The following CFAP53 variants were observed in gnomAD, a reference collection of about 807,000 sequenced individuals.
CFAP53 encodes the protein cilia- and flagella-associated protein 53.
Under a neutral mutation model 59.7 loss-of-function variants are expected in CFAP53, and 62 were observed. The observed-to-expected ratio is 1.04, with a 90% CI of 0.85 to 1.28. CFAP53 has a LOEUF of 1.28. CFAP53 is among the 50% of genes most tolerant of loss of function. CFAP53 has a pLI of 0.00. For missense variants in CFAP53, 629 were observed against 615.6 expected (o/e 1.02, Z -0.23); for synonymous variants, 218 against 205.7 (o/e 1.06, Z -0.51).
At chr18:50,249,074 C>T (rs1329256481) in intron 5 of CFAP53, among the ~76,000 whole-genome samples, 2 of 151,090 alleles carry the variant, frequency 1.3e-5, no homozygotes, top group Non-Finnish European at 3.0e-5. Context: ...GCAGTGGCAC[C>T]CGCCTGTAAT....
intron 7 of CFAP53, 94 bp downstream of exon 7, chr18:50,238,509 C>A: frequency 1.3e-6 from 1 of 743,336 alleles, no homozygotes; most frequent in East Asian, 2.8e-5. Context: ...TCCTCAGCCT[C>A]CCAAAGTACT....
At position 50,227,320 on chromosome 18, in the gene CFAP53, C is replaced by T. The variant is rs2033532688; in HGVS notation, c.*61G>A. On this transcript the variant is annotated 3_prime_UTR_variant, in exon 8 of 8. Coordinates refer to ENST00000398545, the MANE Select transcript of CFAP53 (RefSeq NM_145020.5). ...TTATCCAGGAGTTAAAAGAAGCATA[C>T]AAGCATACTGTAGTTAAAAATATTA... 7.5e-7 allele frequency: 1 copy of T among 1,332,172 alleles called. No individual in the cohort carries two copies. Among genetic ancestry groups the T allele is most frequent in the Non-Finnish European group, 1.1e-6 (1 of 942,932 alleles). The allele number at this position is 1,332,172 out of a possible 1,614,324, so 82.5% of individuals were successfully genotyped here.
chr18:50,237,315 A>AT, intron 7 of CFAP53, among the ~76,000 whole-genome samples: 1 of 16,438 alleles, frequency 6.1e-5, no homozygotes, highest in African/African-American at 1.2e-4. Flanking sequence ...AAAAAAAAAA[A>AT]AAAAAAAAAA....
intron 7 of CFAP53, among the ~76,000 whole-genome samples, chr18:50,232,455 G>A (rs1480655658): frequency 6.6e-6 from 1 of 152,148 alleles, no homozygotes; most frequent in Non-Finnish European, 1.5e-5. Context: ...AGCCCCTCCA[G>A]GTTTCCCTAA....
At chr18:50,255,740 A>G (rs1446880749) in intron 3 of CFAP53, among the ~76,000 whole-genome samples, 1 of 152,184 alleles carries the variant, frequency 6.6e-6, no homozygotes, top group East Asian at 1.9e-4. Flanking sequence ...AAGAGAAATG[A>G]ATGCATATGC....
intron 6 of CFAP53, among the ~76,000 whole-genome samples, chr18:50,241,621 G>A (rs1355299321): frequency 6.6e-6 from 1 of 152,118 alleles, no homozygotes; most frequent in Non-Finnish European, 1.5e-5. Flanking sequence ...CCTCTGGGAT[G>A]TCATCACATA....
chr18:50,254,401 A>G (rs2033828598), intron 3 of CFAP53, among the ~76,000 whole-genome samples: 1 of 152,218 alleles, frequency 6.6e-6, no homozygotes, highest in Non-Finnish European at 1.5e-5. Flanking sequence ...GTAAATGCCA[A>G]TTAAGCCCAT....
chr18:50,258,223 C>T (rs1240300193), intron 3 of CFAP53, among the ~76,000 whole-genome samples: 1 of 152,056 alleles, frequency 6.6e-6, no homozygotes, highest in East Asian at 1.9e-4. Context: ...GCTATAGTAC[C>T]TCAAACAGCA....
intron 7 of CFAP53, 126 bp from the exon 8 acceptor site, chr18:50,227,735 A>G: frequency 1.4e-6 from 1 of 689,978 alleles, no homozygotes. Flanking sequence ...GGGTGAGTGG[A>G]GAAGAAATAG....
At chr18:50,237,887 G>C (rs2033653406) in intron 7 of CFAP53, among the ~76,000 whole-genome samples, 1 of 151,964 alleles carries the variant, frequency 6.6e-6, no homozygotes, top group Non-Finnish European at 1.5e-5. Context: ...CATTTGTATG[G>C]AATCCTGTCC....
At chr18:50,257,149 G>A (rs1268579762) in intron 3 of CFAP53, among the ~76,000 whole-genome samples, 1 of 152,080 alleles carries the variant, frequency 6.6e-6, no homozygotes, top group African/African-American at 2.4e-5. Context: ...TGAAATCGAT[G>A]ATTTAGGGCA....
At chr18:50,250,664 G>T in intron 5 of CFAP53, 94 bp downstream of exon 5, 1 of 927,232 alleles carries the variant, frequency 1.1e-6, no homozygotes, top group Non-Finnish European at 1.7e-6. Context: ...ACTCAGAGTA[G>T]CACTGCTATA....
Position 50,258,184 on chromosome 18 carries a change from C to T in CFAP53, c.473+2880G>A, listed in dbSNP as rs543300352. ...AAAAATAACAAATCTGGAGGAATCA[C>T]ATTACCTAACTTCGAATTATACTAC... On this transcript the variant is annotated intron_variant, in intron 3 of 7. Coordinates refer to ENST00000398545, the MANE Select transcript of CFAP53 (RefSeq NM_145020.5). Among the ~76,000 whole-genome samples the T allele has an allele frequency of 5.3e-5, 8 of 152,322 alleles. No homozygotes were observed. The South Asian group carries it at 1.2e-3, about 24-fold the overall frequency.
chr18:50,262,220 C>A lies in CFAP53; in HGVS notation c.70-1G>T. 6.2e-7 allele frequency: 1 copy of A among 1,610,052 alleles called. No individual in the cohort carries two copies. The highest frequency in any genetic ancestry group is 1.1e-5 in the South Asian group (1 of 90,828). ...CTTGGCCTTTAGGAGGCTTGGATCT[C>A]TGAAAACAAAAACCAACTATCACTT... On this transcript the variant is annotated splice_acceptor_variant, in intron 1 of 7. Transcript: ENST00000398545. LOFTEE classifies it high-confidence loss of function.
intron 1 of CFAP53, 103 bp from the exon 2 acceptor site, chr18:50,262,322 G>T (rs1325224930): frequency 1.0e-6 from 1 of 972,292 alleles, no homozygotes. Flanking sequence ...ATAAAATTGG[G>T]TATAAAAAAC....
At chr18:50,258,746 CA>C (rs1343459783) in intron 3 of CFAP53, among the ~76,000 whole-genome samples, 2 of 152,238 alleles carry the variant, frequency 1.3e-5, no homozygotes, top group African/African-American at 4.8e-5. Flanking sequence ...GGAGCTCAAA[CA>C]ACTCCATAAG....
At chr18:50,237,764 CAGA>C (rs1315451198) in intron 7 of CFAP53, among the ~76,000 whole-genome samples, 2 of 152,100 alleles carry the variant, frequency 1.3e-5, no homozygotes, top group Non-Finnish European at 2.9e-5. Context: ...TTGTGGTGAT[CAGA>C]AGGACACTAA....
chr18:50,230,271 C>T (rs2033568031), intron 7 of CFAP53, among the ~76,000 whole-genome samples: 1 of 152,120 alleles, frequency 6.6e-6, no homozygotes, highest in African/African-American at 2.4e-5. Flanking sequence ...TGGGTGGCCT[C>T]AGGATGGGGT....
In CFAP53 at chr18:50,266,467, C is replaced by A; in HGVS notation, c.-63G>T. 1.3e-6 allele frequency: 2 copies of A among 1,524,600 alleles called. No homozygotes were observed. Among genetic ancestry groups the A allele is most frequent in the Non-Finnish European group, 1.8e-6 (2 of 1,098,790 alleles). 94.4% of individuals were successfully genotyped at this position (1,524,600 alleles called of 1,614,324 possible). ...CGTTTCCCCCAACCGTGGCGACCTG[C>A]GGGACCCGCTTCCGCGACGCAGAAG... On this transcript the variant is annotated 5_prime_UTR_variant, in exon 1 of 8. Transcript: ENST00000398545.
Sources: allele counts gnomAD v4.1 joint callset (sites outside exome capture counted in the v4.1 genomes callset), GRCh38; gene constraint gnomAD v4.1.1; transcripts MANE v1.5; gene names NCBI Gene and HGNC (gene_info 2026-07-23, HGNC 2026-07-21).